The following IL36B variants were observed in gnomAD, a reference collection of about 807,000 sequenced individuals.
The protein encoded by IL36B is interleukin-36 beta.
IL36B carries 23 observed loss-of-function variants against 19.3 expected under a neutral mutation model. The ratio of observed to expected loss-of-function variants is 1.19; its 90% CI spans 0.86 to 1.69. IL36B has a LOEUF of 1.69. IL36B is among the 40% of genes most tolerant of loss of function. The pLI is 0.00. For missense variants in IL36B, 217 were observed against 200.5 expected (o/e 1.08, Z -0.50); for synonymous variants, 59 against 59.7 (o/e 0.99, Z 0.05).
chr2:113,044,258 ATATG>A (rs1396576890), intron 1 of IL36B, among the ~76,000 whole-genome samples: 31 of 131,410 alleles, frequency 2.4e-4, no homozygotes, highest in African/African-American at 6.7e-4. Flanking sequence ...ATCTATATCT[ATATG>A]TGTGTGTGTG....
chr2:113,032,502 AG>A (rs1285209391), intron 1 of IL36B, among the ~76,000 whole-genome samples: 10 of 152,168 alleles, frequency 6.6e-5, no homozygotes, highest in Non-Finnish European at 1.3e-4. Flanking sequence ...GTCCCTACAC[AG>A]TGGATAAGCA....
At chr2:113,038,903 G>A (rs1188647853) in intron 1 of IL36B, among the ~76,000 whole-genome samples, 1 of 152,188 alleles carries the variant, frequency 6.6e-6, no homozygotes, top group Non-Finnish European at 1.5e-5. Flanking sequence ...ATCTATGCTT[G>A]TTTTAGGTGA....
intron 1 of IL36B, among the ~76,000 whole-genome samples, chr2:113,040,733 A>G (rs1298263564): frequency 6.6e-6 from 1 of 152,256 alleles, no homozygotes; most frequent in Admixed American, 6.5e-5. Flanking sequence ...GAGAGAGATT[A>G]AAGAATACCT....
chr2:113,028,750 A>G (rs563251330), intron 4 of IL36B, among the ~76,000 whole-genome samples, 189 bp downstream of exon 4: 1 of 152,322 alleles, frequency 6.6e-6, no homozygotes, highest in South Asian at 2.1e-4. Context: ...CTATGCTCTG[A>G]CATTAAAAGA....
At chr2:113,026,462 G>C (rs1272546123) in intron 4 of IL36B, among the ~76,000 whole-genome samples, 5 of 152,138 alleles carry the variant, frequency 3.3e-5, no homozygotes, top group African/African-American at 1.2e-4. Flanking sequence ...ACTTAGCAGT[G>C]GGTACCCATT....
At chr2:113,028,036 G>A (rs753966892) in intron 4 of IL36B, 2 of 1,614,042 alleles carry the variant, frequency 1.2e-6, no homozygotes, top group African/African-American at 2.7e-5. Context: ...AAAGACAGAA[G>A]TGGAGCCTTC....
intron 1 of IL36B, among the ~76,000 whole-genome samples, chr2:113,044,515 C>T (rs528923121): frequency 6.6e-6 from 1 of 152,148 alleles, no homozygotes; most frequent in South Asian, 2.1e-4. Context: ...CTCACTTTGT[C>T]TAATATTAAT....
intron 1 of IL36B, among the ~76,000 whole-genome samples, chr2:113,049,220 G>A (rs1685400132): frequency 6.6e-6 from 1 of 152,168 alleles, no homozygotes; most frequent in African/African-American, 2.4e-5. Context: ...TATCACATTG[G>A]ATTTGGCAAT....
At chr2:113,030,756 A>G (rs1422544962) in intron 3 of IL36B, among the ~76,000 whole-genome samples, 1 of 152,196 alleles carries the variant, frequency 6.6e-6, no homozygotes, top group African/African-American at 2.4e-5. Flanking sequence ...CCTGAAGGAG[A>G]GAAACTCCAA....
intron 1 of IL36B, among the ~76,000 whole-genome samples, chr2:113,051,718 C>T (rs551305582): frequency 7.2e-5 from 11 of 152,302 alleles, no homozygotes; most frequent in African/African-American, 2.6e-4. Flanking sequence ...GAGAGGGAGT[C>T]CTGGATGCAG....
intron 1 of IL36B, among the ~76,000 whole-genome samples, chr2:113,050,760 G>T (rs1401474485): frequency 6.6e-6 from 1 of 152,150 alleles, no homozygotes; most frequent in South Asian, 2.1e-4. Flanking sequence ...TGTTTTTGAG[G>T]AGCCCACGAA....
intron 1 of IL36B, among the ~76,000 whole-genome samples, chr2:113,043,946 G>T (rs574091630): frequency 6.6e-6 from 1 of 152,170 alleles, no homozygotes; most frequent in South Asian, 2.1e-4. Context: ...TGACCTATTT[G>T]TCTATCTTTT....
rs559306425 is a variant in IL36B at position 113,022,402 on chromosome 2, A to T, written c.*272T>A. 26 of 235,616 alleles carry T rather than the reference A, an allele frequency of 1.1e-4. No homozygotes were observed. In the South Asian group the frequency reaches 1.8e-3, roughly 16 times the overall value. The allele number at this position is 235,616 out of a possible 1,614,324, so 14.6% of individuals were successfully genotyped here. On this transcript the variant is annotated 3_prime_UTR_variant, in exon 6 of 6. Transcript: ENST00000259213. ...CTTCCCATTTTTCATGAAAACCTTG[A>T]CTTTACAATTTTTTAAAAAACACTC...
chr2:113,050,375 G>A lies in IL36B; in HGVS notation c.-58+2442C>T, dbSNP rs374498445. Reference sequence around the variant, plus strand: ...AAAAAAAAATACCGTGTAATTCCACGTATATGAGGCGCCTAAAGCAGTCAA... The same window carrying A: ...AAAAAAAAATACCGTGTAATTCCACATATATGAGGCGCCTAAAGCAGTCAA... On this transcript the variant is annotated intron_variant, in intron 1 of 5. Transcript: ENST00000259213. Among the ~76,000 whole-genome samples the A allele has an allele frequency of 6.6e-5, 10 of 152,120 alleles. No individual in the cohort carries two copies. The South Asian group carries it at 1.9e-3, about 28-fold the overall frequency.
Position 113,031,115 on chromosome 2 carries a change from T to G in IL36B, c.54A>C (p.Arg18=). Reference sequence around the variant, plus strand: ...TTCCACTCAGGACCCACACCATCTGTCGAGAATCACGAATAGCATAGGATT... The same window carrying G: ...TTCCACTCAGGACCCACACCATCTGGCGAGAATCACGAATAGCATAGGATT... Residue 18 remains arginine (R), a synonymous_variant, in exon 3 of 6, where the codon CGA becomes CGC. Coordinates refer to ENST00000259213, the MANE Select transcript of IL36B (RefSeq NM_014438.5). 1 of 1,614,182 alleles carries G rather than the reference T, an allele frequency of 6.2e-7. No individual in the cohort carries two copies. The highest frequency in any genetic ancestry group is 8.5e-7 in the Non-Finnish European group (1 of 1,180,004).
chr2:113,023,138 G>A (rs1030323415), intron 5 of IL36B, among the ~76,000 whole-genome samples: 11 of 152,164 alleles, frequency 7.2e-5, no homozygotes, highest in Non-Finnish European at 1.0e-4. Flanking sequence ...CGTGGATGGC[G>A]ATTGGAAGGA....
At chr2:113,043,095 C>G (rs1418094130) in intron 1 of IL36B, among the ~76,000 whole-genome samples, 1 of 151,984 alleles carries the variant, frequency 6.6e-6, no homozygotes, top group African/African-American at 2.4e-5. Context: ...ATACAAATAT[C>G]TGTTCTAAGT....
rs34633358 is a variant in IL36B at position 113,048,713 on chromosome 2, A to C, written c.-58+4104T>G. Among the ~76,000 whole-genome samples the C allele has an allele frequency of 1.9e-3, 282 of 152,306 alleles. 3 individuals carry two copies. The highest frequency in any genetic ancestry group is 6.4e-3 in the African/African-American group (266 of 41,570). On this transcript the variant is annotated intron_variant, in intron 1 of 5. Transcript: ENST00000259213. ...GAAGCTAAAATCTGATTATTAAAAAATCAAGAAAAATGAGAGGAGACTAAT... is the reference window on the plus strand; with the variant it reads ...GAAGCTAAAATCTGATTATTAAAAACTCAAGAAAAATGAGAGGAGACTAAT...
intron 1 of IL36B, among the ~76,000 whole-genome samples, chr2:113,044,260 ATGTGTGTGTGTGTGTGTGTGTGTG>A (rs56838257): frequency 0.089 from 12,703 of 142,536 alleles, 642 homozygotes; most frequent in African/African-American, 0.12. Context: ...CTATATCTAT[ATGTGTGTGTGTGTGTGTGTGTGTG>A]TGTGTGTGTG....
Sources: allele counts gnomAD v4.1 joint callset (sites outside exome capture counted in the v4.1 genomes callset), GRCh38; gene constraint gnomAD v4.1.1; transcripts MANE v1.5; gene names NCBI Gene and HGNC (gene_info 2026-07-23, HGNC 2026-07-21).